The following CADM2 variants were observed in gnomAD, a reference collection of about 807,000 sequenced individuals.
CADM2 encodes the protein immunoglobulin superfamily member 4D.
In CADM2, 12 loss-of-function variants were observed where a neutral mutation model predicts 49.8. The observed-to-expected ratio is 0.24, with a 90% CI of 0.15 to 0.39. The LOEUF (loss-of-function observed/expected upper bound fraction) is 0.39, where lower values mean the gene tolerates loss of function less well. Among genes scored for constraint, CADM2 ranks in the 10% least tolerant of loss-of-function variants. CADM2 has a pLI of 1.00. For synonymous variants in CADM2, 214 were observed against 175.4 expected (o/e 1.22, Z -1.74); for missense variants, 378 against 492.3 (o/e 0.77, Z 2.20).
chr3:85,675,206 A>C (rs371338869), intron 1 of CADM2, among the ~76,000 whole-genome samples: 35 of 152,254 alleles, frequency 2.3e-4, no homozygotes, highest in African/African-American at 8.2e-4. Context: ...TACTGATAAC[A>C]ATGTAGAAAA....
intron 1 of CADM2, among the ~76,000 whole-genome samples, chr3:85,538,404 T>C (rs561414104): frequency 2.0e-5 from 3 of 152,060 alleles, no homozygotes; most frequent in South Asian, 2.1e-4. Flanking sequence ...GAAGGGCACA[T>C]GGTTATGAAG....
At chr3:85,037,123 T>A (rs1028131817) in intron 1 of CADM2, among the ~76,000 whole-genome samples, 1 of 151,936 alleles carries the variant, frequency 6.6e-6, no homozygotes, top group African/African-American at 2.4e-5. Context: ...TGAGCTAAGA[T>A]TGCGCCATGC....
intron 1 of CADM2, among the ~76,000 whole-genome samples, chr3:85,145,216 C>T (rs1380350340): frequency 6.6e-6 from 1 of 152,146 alleles, no homozygotes; most frequent in Non-Finnish European, 1.5e-5. Flanking sequence ...GGAAGAAAAT[C>T]ACACTAAAAT....
chr3:85,514,755 C>G (rs1011420119), intron 1 of CADM2, among the ~76,000 whole-genome samples: 11 of 152,194 alleles, frequency 7.2e-5, no homozygotes, highest in Admixed American at 4.6e-4. Context: ...ATTTTAACCT[C>G]CATTACCTAT....
intron 3 of CADM2, among the ~76,000 whole-genome samples, chr3:85,826,805 T>A (rs1255288110): frequency 6.6e-6 from 1 of 152,010 alleles, no homozygotes; most frequent in Non-Finnish European, 1.5e-5. Flanking sequence ...ATTAAAAGTT[T>A]TATTTTTGTT....
intron 1 of CADM2, among the ~76,000 whole-genome samples, chr3:85,069,232 G>A (rs910339486): frequency 6.6e-6 from 1 of 151,802 alleles, no homozygotes; most frequent in Non-Finnish European, 1.5e-5. Flanking sequence ...CAGTATTTTA[G>A]CTTTGTTATT....
rs60644652 is a variant in CADM2, at chr3:85,807,499, C to CAAA, written c.238+5320_238+5322dup. 3.0e-4 allele frequency among the ~76,000 whole-genome samples: 25 copies of CAAA among 82,180 alleles called. No homozygotes were observed. In the Middle Eastern group the frequency reaches 0.021, roughly 68 times the overall value. 53.9% of individuals were successfully genotyped at this position (82,180 alleles called of 152,430 possible). On this transcript the variant is annotated intron_variant, in intron 3 of 9. Transcript: ENST00000383699. ...AGGCATCGAGAGTGAAACTCCGTCT[C>CAAA]AAAAAAAAAAAAAAAAAAAGACAAA...
chr3:85,465,773 G>A (rs1215706140), intron 1 of CADM2, among the ~76,000 whole-genome samples: 2 of 152,058 alleles, frequency 1.3e-5, no homozygotes, highest in African/African-American at 4.8e-5. Flanking sequence ...AATAATAGAT[G>A]GAAAAGCTTA....
chr3:85,216,249 T>C (rs2041921721), intron 1 of CADM2, among the ~76,000 whole-genome samples: 1 of 148,628 alleles, frequency 6.7e-6, no homozygotes, highest in African/African-American at 2.4e-5. Flanking sequence ...AGCTATAGAC[T>C]ATTAAAATAT....
chr3:86,036,687 C>T (rs1307855707), intron 8 of CADM2, among the ~76,000 whole-genome samples: 1 of 152,046 alleles, frequency 6.6e-6, no homozygotes, highest in Non-Finnish European at 1.5e-5. Flanking sequence ...AGTTACTCAG[C>T]CTCCCAGTGC....
intron 1 of CADM2, among the ~76,000 whole-genome samples, chr3:85,023,658 A>G (rs1268115634): frequency 2.0e-5 from 3 of 152,118 alleles, no homozygotes; most frequent in Non-Finnish European, 4.4e-5. Flanking sequence ...AACTTTAAAC[A>G]TTCAGGGTAA....
At chr3:85,739,785 C>T (rs1335813938) in intron 2 of CADM2, among the ~76,000 whole-genome samples, 1 of 152,044 alleles carries the variant, frequency 6.6e-6, no homozygotes, top group Non-Finnish European at 1.5e-5. Context: ...TCTCATATAA[C>T]ATAAGCTATT....
At chr3:85,593,098 C>G (rs923141635) in intron 1 of CADM2, among the ~76,000 whole-genome samples, 4 of 151,826 alleles carry the variant, frequency 2.6e-5, no homozygotes, top group African/African-American at 9.7e-5. Context: ...TTGAACATGG[C>G]TTTTATATTT....
intron 5 of CADM2, among the ~76,000 whole-genome samples, chr3:85,911,426 C>A (rs1332016904): frequency 6.6e-6 from 1 of 152,190 alleles, no homozygotes; most frequent in Non-Finnish European, 1.5e-5. Context: ...GAATTCACAT[C>A]TTGTAGAAAG....
intron 6 of CADM2, among the ~76,000 whole-genome samples, chr3:85,932,469 T>A (rs541436494): frequency 1.8e-4 from 27 of 152,256 alleles, no homozygotes; most frequent in African/African-American, 6.0e-4. Flanking sequence ...AGAGTGAGGC[T>A]TAAAAGACCT....
intron 5 of CADM2, among the ~76,000 whole-genome samples, chr3:85,904,626 G>T (rs1378386317): frequency 6.6e-6 from 1 of 152,130 alleles, no homozygotes; most frequent in African/African-American, 2.4e-5. Context: ...CCTTAAATAT[G>T]TATGTGTGTT....
At position 85,054,748 on chromosome 3, in the gene CADM2, A is replaced by ACTTTAACT. The variant is rs1409457810; in HGVS notation, c.61+95081_61+95088dup. ...TTGGCCAGCAAATGTACAGACATAGACTTTAACTTGGTGAAGGACGTGCAA... is the reference window on the plus strand; with the variant it reads ...TTGGCCAGCAAATGTACAGACATAGACTTTAACTCTTTAACTTGGTGAAGGACGTGCAA... On this transcript the variant is annotated intron_variant, in intron 1 of 9. Coordinates refer to ENST00000383699, the MANE Select transcript of CADM2 (RefSeq NM_001167675.2). 2.0e-5 allele frequency among the ~76,000 whole-genome samples: 3 copies of ACTTTAACT among 152,080 alleles called. No individual in the cohort carries two copies. In the East Asian group the frequency reaches 5.8e-4, roughly 29 times the overall value.
intron 1 of CADM2, among the ~76,000 whole-genome samples, chr3:85,188,114 C>T (rs1458868695): frequency 6.6e-6 from 1 of 151,772 alleles, no homozygotes; most frequent in Non-Finnish European, 1.5e-5. Flanking sequence ...AGGTAATAAC[C>T]TTAATTGCTA....
intron 1 of CADM2, among the ~76,000 whole-genome samples, chr3:85,240,715 C>A (rs1235959655): frequency 6.6e-6 from 1 of 151,480 alleles, no homozygotes; most frequent in Non-Finnish European, 1.5e-5. Context: ...GAAGCTATTT[C>A]AAAATCCTGT....
Sources: gnomAD v4.1 joint callset for allele counts (sites outside exome capture counted in the v4.1 genomes callset) on GRCh38, gnomAD v4.1.1 for gene constraint, MANE v1.5 for transcripts, NCBI Gene and HGNC (gene_info 2026-07-23, HGNC 2026-07-21) for gene names.